Variants in TTC1 observed in about 807,000 individuals in gnomAD.
TTC1 encodes tetratricopeptide repeat protein 1.
TTC1 carries 31 observed loss-of-function variants against 37.6 expected under a neutral mutation model. The observed-to-expected ratio is 0.82, with a 90% CI of 0.62 to 1.11. The LOEUF is 1.11. TTC1 is among the 50% of genes most tolerant of loss of function. The pLI is 0.00. For synonymous variants in TTC1, 127 were observed against 122.4 expected, an observed-to-expected ratio of 1.04 and a Z score of -0.25; for missense variants, 351 against 339.0, an observed-to-expected ratio of 1.04 and a Z score of -0.28.
At chr5:160,052,773 T>C (rs1476803900) in intron 7 of TTC1, among the ~76,000 whole-genome samples, 1 of 152,120 alleles carries the variant, frequency 6.6e-6, no homozygotes, top group African/African-American at 2.4e-5. Flanking sequence ...CTTTATAAAT[T>C]CTAATGCACC....
rs540178162 is a variant in TTC1, at chr5:160,010,596, C to T, written c.68C>T (p.Thr23Ile). The T allele has an allele frequency of 2.1e-4, 346 of 1,614,064 alleles. 5 individuals carry two copies. The South Asian group carries it at 3.3e-3, about 15-fold the overall frequency. ...DLLNGLKVTD[T>I]QEAECAGPPV... is the part of the protein sequence containing the mutation. ...TTAAATGGTTTGAAGGTTACAGATA[C>T]TCAGGAAGCCGAGTGTGCTGGCCCT... The change falls in exon 2 of 8, where the codon ACT (threonine) becomes ATT (isoleucine). Residue 23 changes from threonine (T) to isoleucine (I), a missense_variant. Transcript: ENST00000231238.
At chr5:160,011,710 C>T (rs1756504970) in intron 2 of TTC1, among the ~76,000 whole-genome samples, 1 of 152,232 alleles carries the variant, frequency 6.6e-6, no homozygotes, top group Non-Finnish European at 1.5e-5. Context: ...AGACTGAAGT[C>T]CTGCTGTCCT....
intron 1 of TTC1, 118 bp from the exon 2 acceptor site, chr5:160,010,382 G>A: frequency 1.7e-6 from 1 of 579,556 alleles, no homozygotes; most frequent in East Asian, 2.8e-5. Context: ...ATGAATTCCA[G>A]TGAAAGGAAA....
rs1292118186 is a variant in TTC1, at chr5:160,057,679, A to G, written c.745+6496A>G. Among the ~76,000 whole-genome samples, 3 of 152,136 alleles carry G rather than the reference A, an allele frequency of 2.0e-5. No homozygotes were observed. Among genetic ancestry groups the G allele is most frequent in the African/African-American group, 7.2e-5 (3 of 41,422 alleles). ...ATGCAGTGCTGTTTGATAGCATTTT[A>G]CCCACAATAGTTCTTCCAGTATTGG... is the stretch of plus-strand genomic sequence containing the variant. On this transcript the variant is annotated intron_variant, in intron 7 of 7. Transcript: ENST00000231238. The surrounding 1 kb of genome is among the most constrained non-coding windows in gnomAD (Gnocchi z 4.4).
intron 7 of TTC1, chr5:160,063,705 G>A (rs1410043604): frequency 6.6e-6 from 1 of 152,156 alleles, no homozygotes; most frequent in Non-Finnish European, 1.5e-5. Context: ...TTTAGAAAGG[G>A]TTGAAACTGT....
At chr5:160,039,311 A>T (rs1013444469) in intron 4 of TTC1, 23 of 146,098 alleles carry the variant, frequency 1.6e-4, no homozygotes, top group African/African-American at 5.6e-4. Context: ...TACTGTCCTT[A>T]TATATTATAT....
rs144187018 is a variant in TTC1, at chr5:160,032,754, G to A, written c.331-2386G>A. Among the ~76,000 whole-genome samples the A allele has an allele frequency of 9.6e-3, 1,108 of 115,272 alleles. 13 individuals are homozygous for A. The highest frequency in any genetic ancestry group is 0.035 in the African/African-American group (1,047 of 29,588). The allele number at this position is 115,272 out of a possible 152,430, so 75.6% of individuals were successfully genotyped here. A position where few individuals can be genotyped will look rare whatever the true frequency, so the allele number is the denominator to read the frequency against. On this transcript the variant is annotated intron_variant, in intron 2 of 7. Transcript: ENST00000231238. Reference sequence around the variant, plus strand: ...TTTTGAGACGGAGTCTCACTCTGTCGCCAGGCTAGAGTGCAGTGGCGCGGC... The same window carrying A: ...TTTTGAGACGGAGTCTCACTCTGTCACCAGGCTAGAGTGCAGTGGCGCGGC...
At chr5:160,038,622 T>C (rs1327546285) in intron 4 of TTC1, among the ~76,000 whole-genome samples, 1 of 152,130 alleles carries the variant, frequency 6.6e-6, no homozygotes, top group Non-Finnish European at 1.5e-5. Context: ...AAGAATAGTT[T>C]TGTTGGTGAA....
chr5:160,048,302 C>T (rs1257438136), intron 5 of TTC1, among the ~76,000 whole-genome samples: 3 of 151,982 alleles, frequency 2.0e-5, no homozygotes, highest in Non-Finnish European at 4.4e-5. Flanking sequence ...TAGACCCACA[C>T]TGCCACGCCC....
At chr5:160,032,048 C>T (rs1052084466) in intron 2 of TTC1, among the ~76,000 whole-genome samples, 26 of 152,318 alleles carry the variant, frequency 1.7e-4, no homozygotes, top group African/African-American at 5.5e-4. Context: ...CAGGCCGGCC[C>T]GTAGCACTGA....
chr5:160,034,544 T>TC (rs1756970536), intron 2 of TTC1, among the ~76,000 whole-genome samples: 5 of 152,182 alleles, frequency 3.3e-5, no homozygotes, highest in Non-Finnish European at 7.3e-5. Flanking sequence ...ACACAAACCA[T>TC]GAAGGGTTCT....
In TTC1 at chr5:160,049,551, G is replaced by T. The variant is rs1441708833; in HGVS notation, c.579G>T (p.Leu193Phe). 6.2e-7 allele frequency: 1 copy of T among 1,602,226 alleles called. No homozygotes were observed. The highest frequency in any genetic ancestry group is 1.7e-5 in the Admixed American group (1 of 57,638). ...ACCCCAGCTATATCAGGGCAATATTGAGGAGAGCAGAGTTGTATGAGAAGA... is the reference window on the plus strand; with the variant it reads ...ACCCCAGCTATATCAGGGCAATATTTAGGAGAGCAGAGTTGTATGAGAAGA... ...QLNPSYIRAILRRAELYEKTD... is the reference protein window; with the variant it reads ...QLNPSYIRAIFRRAELYEKTD... Residue 193 changes from leucine to phenylalanine, a missense_variant, in exon 6 of 8, where the codon TTG becomes TTT. Coordinates refer to ENST00000231238, the MANE Select transcript of TTC1 (RefSeq NM_003314.3).
intron 2 of TTC1, among the ~76,000 whole-genome samples, chr5:160,013,902 T>C (rs1040534593): frequency 6.6e-6 from 1 of 152,192 alleles, no homozygotes; most frequent in African/African-American, 2.4e-5. Context: ...CAAATTTTTA[T>C]GTGACCATTT....
At chr5:160,020,358 C>G (rs1756682945) in intron 2 of TTC1, among the ~76,000 whole-genome samples, 1 of 152,056 alleles carries the variant, frequency 6.6e-6, no homozygotes, top group Non-Finnish European at 1.5e-5. Flanking sequence ...TGTAGAGGCC[C>G]TTTCACTTGG....
chr5:160,010,407 T>A, intron 1 of TTC1, 93 bp from the exon 2 acceptor site: 1 of 695,114 alleles, frequency 1.4e-6, no homozygotes, highest in East Asian at 2.7e-5. Context: ...GGTGTGTTTT[T>A]TGGCTGTAAT....
At chr5:160,060,128 T>C (rs972084602) in intron 7 of TTC1, among the ~76,000 whole-genome samples, 2 of 152,210 alleles carry the variant, frequency 1.3e-5, no homozygotes, top group Non-Finnish European at 2.9e-5. Flanking sequence ...GGAAATGTGG[T>C]ATTAGGATTT....
intron 7 of TTC1, among the ~76,000 whole-genome samples, chr5:160,060,210 C>T (rs550419315): frequency 1.3e-5 from 2 of 152,100 alleles, no homozygotes; most frequent in Non-Finnish European, 2.9e-5. Flanking sequence ...AATCCATGCC[C>T]GAGTGATCTT....
Position 160,042,141 on chromosome 5 carries a change from G to C in TTC1, c.505-992G>C, listed in dbSNP as rs151142521. 8.8e-3 allele frequency among the ~76,000 whole-genome samples: 1,337 copies of C among 152,238 alleles called. 17 individuals are homozygous for C. Among genetic ancestry groups the C allele is most frequent in the Non-Finnish European group, 9.2e-3 (625 of 68,008 alleles). ...TACAGGGTTTCACCATGTTGGCCAG[G>C]CTGGTCTCGAACTCCTGACCTCTAG... On this transcript the variant is annotated intron_variant, in intron 4 of 7. Transcript: ENST00000231238.
Position 160,028,826 on chromosome 5 carries a change from T to C in TTC1, c.331-6314T>C, listed in dbSNP as rs180816736. On this transcript the variant is annotated intron_variant, in intron 2 of 7. Coordinates refer to ENST00000231238, the MANE Select transcript of TTC1 (RefSeq NM_003314.3). ...AAAAGGATTTGACAACCTCCTTACT[T>C]CACCACATCAGAAATTCCACCTATT... 4.0e-3 allele frequency among the ~76,000 whole-genome samples: 610 copies of C among 152,164 alleles called. 15 individuals are homozygous for C. The highest frequency in any genetic ancestry group is 1.0e-3 in the South Asian group (5 of 4,822).
Sources: gnomAD v4.1 joint callset for allele counts (sites outside exome capture counted in the v4.1 genomes callset) on GRCh38, gnomAD v4.1.1 for gene constraint, Gnocchi (gnomAD v3.1) non-coding constraint, MANE v1.5 for transcripts, NCBI Gene and HGNC (gene_info 2026-07-23, HGNC 2026-07-21) for gene names.